Variants in FGFRL1 observed in about 807,000 individuals in gnomAD.
The protein encoded by FGFRL1 is fibroblast growth factor receptor like 1, also known as fibroblast growth factor receptor-like 1.
In FGFRL1, 24 loss-of-function variants were observed where a neutral mutation model predicts 36.8. The ratio of observed to expected loss-of-function variants is 0.65; its 90% CI spans 0.47 to 0.92. FGFRL1 has a LOEUF of 0.92. Among genes scored for constraint, FGFRL1 ranks in the 40% least tolerant of loss-of-function variants. The pLI, the probability that FGFRL1 is intolerant of heterozygous loss-of-function variation, is 0.00. For synonymous variants in FGFRL1, 422 were observed against 344.1 expected (o/e 1.23, Z -2.50); for missense variants, 785 against 753.4 (o/e 1.04, Z -0.49).
At chr4:1,018,605 C>G (rs1439890291) in intron 2 of FGFRL1, among the ~76,000 whole-genome samples, 1 of 152,132 alleles carries the variant, frequency 6.6e-6, no homozygotes, top group South Asian at 2.1e-4. Flanking sequence ...TGCACGGCCC[C>G]GGAGGTGGCA....
intron 1 of FGFRL1, 110 bp from the exon 2 acceptor site, chr4:1,012,360 G>T: frequency 7.8e-7 from 1 of 1,273,984 alleles, no homozygotes; most frequent in Non-Finnish European, 1.1e-6. Context: ...GCGCGGGCGG[G>T]GAGGGCCTGT....
chr4:1,022,565 G>GA, intron 3 of FGFRL1, 90 bp downstream of exon 3: 2 of 1,452,896 alleles, frequency 1.4e-6, no homozygotes, highest in African/African-American at 2.8e-5. Context: ...CCTGGGGCCC[G>GA]AGAGTCAGCC....
Position 1,023,125 on chromosome 4 carries a change from C to G in FGFRL1, c.353-516C>G, listed in dbSNP as rs1000184487. Among the ~76,000 whole-genome samples, 9 of 152,164 alleles carry G rather than the reference C, an allele frequency of 5.9e-5. No individual in the cohort carries two copies. The highest frequency in any genetic ancestry group is 2.2e-4 in the African/African-American group (9 of 41,442). On this transcript the variant is annotated intron_variant, in intron 3 of 6. Coordinates refer to ENST00000510644, the MANE Select transcript of FGFRL1 (RefSeq NM_001004356.3). This position sits in a 1 kb window ranked among gnomAD's most constrained non-coding sequence, Gnocchi z 6.0. ...GTCTGGGGGTGCGGCCTGAGACAGC[C>G]TGGTCCTGGGCTCAGTGAAGGAGCG... is the stretch of plus-strand genomic sequence containing the variant.
chr4:1,014,454 G>C (rs1485910014), intron 2 of FGFRL1, among the ~76,000 whole-genome samples: 1 of 152,214 alleles, frequency 6.6e-6, no homozygotes, highest in East Asian at 1.9e-4. Flanking sequence ...GGCCTTGGGG[G>C]CCAGCTCTGA....
chr4:1,026,182 C>T lies in FGFRL1; in HGVS notation c.*835C>T, dbSNP rs1716520828. Reference sequence around the variant, plus strand: ...ACACACATGTGCACAGATATGCTGTCTGGACATGCACACACGTGCAGATAT... The same window carrying T: ...ACACACATGTGCACAGATATGCTGTTTGGACATGCACACACGTGCAGATAT... On this transcript the variant is annotated 3_prime_UTR_variant, in exon 7 of 7. Transcript: ENST00000510644. The T allele has an allele frequency of 6.4e-6, 1 of 155,856 alleles. No homozygotes were observed. The highest frequency in any genetic ancestry group is 2.4e-5 in the African/African-American group (1 of 41,324). 9.7% of individuals were successfully genotyped at this position (155,856 alleles called of 1,614,324 possible).
intron 2 of FGFRL1, among the ~76,000 whole-genome samples, chr4:1,015,597 G>A (rs1332705211): frequency 6.6e-6 from 1 of 152,236 alleles, no homozygotes; most frequent in African/African-American, 2.4e-5. Context: ...GCCCCTGTGT[G>A]GGGCAGGGGG....
At chr4:1,016,975 G>A (rs1439217459) in intron 2 of FGFRL1, among the ~76,000 whole-genome samples, 1 of 152,156 alleles carries the variant, frequency 6.6e-6, no homozygotes, top group African/African-American at 2.4e-5. Context: ...ATCTGTGATG[G>A]GGGCACTGTG....
chr4:1,016,213 G>C (rs1289545469), intron 2 of FGFRL1, among the ~76,000 whole-genome samples: 5 of 152,202 alleles, frequency 3.3e-5, no homozygotes, highest in Non-Finnish European at 7.4e-5. Context: ...GGCCTCAGGG[G>C]TTCTGGGCTC....
chr4:1,014,272 C>CT (rs112944118), intron 2 of FGFRL1, among the ~76,000 whole-genome samples: 2,621 of 147,638 alleles, frequency 0.018, 59 homozygotes, highest in African/African-American at 0.051. Context: ...TCTTAAACTG[C>CT]TTTTTTTTTT....
rs1369174332 is a variant in FGFRL1, at chr4:1,023,131, C to G, written c.353-510C>G. Among the ~76,000 whole-genome samples, 1 of 152,158 alleles carries G rather than the reference C, an allele frequency of 6.6e-6. No homozygotes were observed. The highest frequency in any genetic ancestry group is 1.9e-4 in the East Asian group (1 of 5,182). The stretch of plus-strand genomic sequence containing the variant: ...GGGTGCGGCCTGAGACAGCCTGGTC[C>G]TGGGCTCAGTGAAGGAGCGGCTGTC... On this transcript the variant is annotated intron_variant, in intron 3 of 6. Transcript: ENST00000510644. The surrounding 1 kb of genome is among the most constrained non-coding windows in gnomAD (Gnocchi z 6.0).
At chr4:1,013,360 C>T (rs533826208) in intron 2 of FGFRL1, among the ~76,000 whole-genome samples, 5 of 152,376 alleles carry the variant, frequency 3.3e-5, no homozygotes, top group African/African-American at 1.2e-4. Flanking sequence ...CAGGCCGGCC[C>T]TTTGGGCGTG....
chr4:1,025,374 G>A lies in FGFRL1; in HGVS notation c.*27G>A. 2 of 1,519,464 alleles carry A rather than the reference G, an allele frequency of 1.3e-6. No individual in the cohort carries two copies. Among genetic ancestry groups the A allele is most frequent in the East Asian group, 2.5e-5 (1 of 40,424 alleles). The allele number at this position is 1,519,464 out of a possible 1,614,324, so 94.1% of individuals were successfully genotyped here. ...CGGCACCGTATCTGCAGTGGGCACG[G>A]GGGGGCCGGCCAGACAGGCAGACTG... On this transcript the variant is annotated 3_prime_UTR_variant, in exon 7 of 7. Transcript: ENST00000510644.
rs368189699 is a variant in FGFRL1, at chr4:1,022,494, C to A, written c.352+19C>A. ...GTGCTGGGTTAGTCGCTGCTGCGGT[C>A]AGAGGTCATGGGCTGGGTTGGAGCC... On this transcript the variant is annotated intron_variant, in intron 3 of 6. Transcript: ENST00000510644. The A allele has an allele frequency of 6.4e-7, 1 of 1,572,618 alleles. No individual in the cohort carries two copies. Among genetic ancestry groups the A allele is most frequent in the Non-Finnish European group, 8.6e-7 (1 of 1,157,004 alleles).
At chr4:1,024,722 C>T (rs1716408163) in intron 6 of FGFRL1, 58 bp downstream of exon 6, 1 of 1,510,744 alleles carries the variant, frequency 6.6e-7, no homozygotes, top group South Asian at 1.3e-5. Context: ...CCCCCTGGGC[C>T]CGGCGTCCCA....
chr4:1,024,125 C>CGGGCGGGGGGTGCTGGT (rs1716360788), intron 5 of FGFRL1, 24 bp downstream of exon 5: 1 of 963,518 alleles, frequency 1.0e-6, no homozygotes, highest in African/African-American at 1.9e-5. Flanking sequence ...CGGGCGCTGG[C>CGGGCGGGGGGTGCTGGT]GGGCGGGGGG....
rs1368662831 is a variant in FGFRL1 at position 1,012,559 on chromosome 4, C to T, written c.74C>T (p.Ala25Val). ...GGGGCCTTCCCGCCGGCCGCCGCCG[C>T]CCGAGGTGAGTTCTGGCGCCCAGCC... is the stretch of plus-strand genomic sequence containing the variant. The part of the protein sequence containing the change: ...LLGAFPPAAA[A>V]RGPPKMADKV... The change falls in exon 2 of 7, where the codon GCC becomes GTC. Residue 25 changes from alanine to valine, a missense_variant. Coordinates refer to ENST00000510644, the MANE Select transcript of FGFRL1 (RefSeq NM_001004356.3). The T allele has an allele frequency of 2.8e-6, 4 of 1,437,660 alleles. No homozygotes were observed. The Admixed American group carries it at 8.7e-5, about 31-fold the overall frequency. The allele number at this position is 1,437,660 out of a possible 1,614,324, so 89.1% of individuals were successfully genotyped here. A position where few individuals can be genotyped will look rare whatever the true frequency, so the allele number is the denominator to read the frequency against.
chr4:1,026,410 T>C lies in FGFRL1; in HGVS notation c.*1063T>C. 6.3e-6 allele frequency: 1 copy of C among 158,810 alleles called. No homozygotes were observed. The highest frequency in any genetic ancestry group is 1.7e-4 in the South Asian group (1 of 5,806). The allele number at this position is 158,810 out of a possible 1,614,324, so 9.8% of individuals were successfully genotyped here. A position where few individuals can be genotyped will look rare whatever the true frequency, so the allele number is the denominator to read the frequency against. On this transcript the variant is annotated 3_prime_UTR_variant, in exon 7 of 7. Transcript: ENST00000510644. Reference sequence around the variant, plus strand: ...GGGACTTTCCCTGCTCCACCGTCACTCCCCCAACTCTGCCCGCCTCTGTCC... The same window carrying C: ...GGGACTTTCCCTGCTCCACCGTCACCCCCCCAACTCTGCCCGCCTCTGTCC...
intron 2 of FGFRL1, among the ~76,000 whole-genome samples, chr4:1,019,426 G>A (rs1406613548): frequency 6.6e-6 from 1 of 152,238 alleles, no homozygotes; most frequent in Non-Finnish European, 1.5e-5. Flanking sequence ...GGCCACAGGG[G>A]CTGGGCTGGC....
In FGFRL1 at chr4:1,023,961, G is replaced by T. The variant is rs4647937; in HGVS notation, c.578G>T (p.Arg193Leu). 6.9e-6 allele frequency: 11 copies of T among 1,595,662 alleles called. No individual in the cohort carries two copies. The highest frequency in any genetic ancestry group is 1.1e-5 in the South Asian group (1 of 88,728). ...ATGAAGGACGACCAGGCCTTGACGC[G>T]CCCAGAGGCCGCTGAGCCCAGGAAG... Reference protein sequence around the residue: ...TWMKDDQALTRPEAAEPRKKK... With the variant: ...TWMKDDQALTLPEAAEPRKKK... The change falls in exon 5 of 7, where the codon CGC becomes CTC. Residue 193 changes from arginine (R) to leucine (L), a missense_variant. Physicochemically the swap from Arg to Leu is moderately radical, Grantham distance 102. Transcript: ENST00000510644. The surrounding 1 kb of genome is among the most constrained non-coding windows in gnomAD (Gnocchi z 6.0).
Sources: allele counts gnomAD v4.1 joint callset (sites outside exome capture counted in the v4.1 genomes callset), GRCh38; gene constraint gnomAD v4.1.1; non-coding constraint Gnocchi (gnomAD v3.1); transcripts MANE v1.5; gene names NCBI Gene and HGNC (gene_info 2026-07-23, HGNC 2026-07-21).